CNBD1: variants seen among roughly 807,000 people sequenced by gnomAD.
CNBD1 encodes the protein cyclic nucleotide-binding domain-containing protein 1.
A neutral mutation model predicts 54.4 loss-of-function variants in CNBD1; 71 were observed. The observed-to-expected ratio is 1.30, with a 90% CI of 1.08 to 1.59. The LOEUF is 1.59. Among genes scored for constraint, CNBD1 ranks in the 40% most tolerant of loss-of-function variants. The probability of loss-of-function intolerance (pLI) is 0.00; values close to 1 mark genes in which losing one functional copy is unlikely to be tolerated. For missense variants in CNBD1, 659 were observed against 518.0 expected, an observed-to-expected ratio of 1.27 and a Z score of -2.64; for synonymous variants, 182 against 170.7, an observed-to-expected ratio of 1.07 and a Z score of -0.51.
At chr8:87,315,758 A>T (rs1001697905) in intron 8 of CNBD1, among the ~76,000 whole-genome samples, 1 of 152,046 alleles carries the variant, frequency 6.6e-6, no homozygotes, top group Non-Finnish European at 1.5e-5. Context: ...TTCAAAATAT[A>T]GTTAGATTGA....
chr8:87,075,789 A>G (rs566490708), intron 4 of CNBD1, among the ~76,000 whole-genome samples: 1 of 152,200 alleles, frequency 6.6e-6, no homozygotes, highest in South Asian at 2.1e-4. Flanking sequence ...GAATGTTTTA[A>G]TCTTTTTATT....
chr8:86,966,131 G>T (rs77119651), intron 4 of CNBD1, among the ~76,000 whole-genome samples: 5,881 of 152,296 alleles, frequency 0.039, 130 homozygotes, highest in Non-Finnish European at 0.045. Context: ...CCCCACTCTG[G>T]TCTGCAGGAC....
intron 4 of CNBD1, among the ~76,000 whole-genome samples, chr8:87,039,692 T>A (rs1294175283): frequency 6.6e-6 from 1 of 152,228 alleles, no homozygotes; most frequent in Non-Finnish European, 1.5e-5. Flanking sequence ...ACCAGAGTTT[T>A]GTAATTACTC....
intron 3 of CNBD1, among the ~76,000 whole-genome samples, chr8:86,911,166 T>C (rs1809094638): frequency 6.6e-6 from 1 of 152,184 alleles, no homozygotes; most frequent in Non-Finnish European, 1.5e-5. Context: ...GGTAGCCCTT[T>C]TCTATTGGCA....
chr8:86,876,183 TTGTGTGTGTG>T (rs60866236), intron 1 of CNBD1, among the ~76,000 whole-genome samples: 32 of 150,290 alleles, frequency 2.1e-4, no homozygotes, highest in Non-Finnish European at 3.0e-4. Context: ...GTGTGTGTGT[TTGTGTGTGTG>T]TGTGTGTGTG....
At chr8:86,957,674 T>A (rs930793923) in intron 4 of CNBD1, among the ~76,000 whole-genome samples, 1 of 152,204 alleles carries the variant, frequency 6.6e-6, no homozygotes, top group African/African-American at 2.4e-5. Flanking sequence ...TTGGTGGTGA[T>A]ATCCCCTTTA....
chr8:87,099,058 A>C (rs887167761), intron 4 of CNBD1, among the ~76,000 whole-genome samples: 23 of 147,568 alleles, frequency 1.6e-4, no homozygotes, highest in African/African-American at 3.9e-4. Flanking sequence ...AAAAAAAAAA[A>C]AACAAAACTC....
At chr8:86,903,214 C>A (rs2131806397) in intron 2 of CNBD1, among the ~76,000 whole-genome samples, 1 of 152,104 alleles carries the variant, frequency 6.6e-6, no homozygotes, top group East Asian at 1.9e-4. Context: ...CTTGGAAATT[C>A]TTGAGAATTA....
intron 4 of CNBD1, among the ~76,000 whole-genome samples, chr8:86,978,604 G>A (rs181905205): frequency 1.6e-3 from 236 of 144,568 alleles, no homozygotes; most frequent in African/African-American, 5.5e-3. Context: ...GTGCAATGGC[G>A]CGATCTTGGC....
chr8:86,912,699 A>G (rs748487900), intron 3 of CNBD1, among the ~76,000 whole-genome samples: 31 of 152,110 alleles, frequency 2.0e-4, no homozygotes, highest in Non-Finnish European at 1.6e-4. Flanking sequence ...TATTTATTCT[A>G]TTTATATTTT....
chr8:87,324,671 G>C (rs928634456), intron 8 of CNBD1, among the ~76,000 whole-genome samples: 1 of 151,694 alleles, frequency 6.6e-6, no homozygotes, highest in East Asian at 1.9e-4. Context: ...ATTTTTTATT[G>C]TGTCTATTTG....
chr8:87,208,753 T>C (rs182851971), intron 5 of CNBD1, among the ~76,000 whole-genome samples: 59 of 152,240 alleles, frequency 3.9e-4, no homozygotes, highest in Admixed American at 1.0e-3. Flanking sequence ...TTTCTTTGTG[T>C]AGTCCTTTGT....
chr8:87,373,337 T>C (rs776432488), intron 10 of CNBD1, among the ~76,000 whole-genome samples: 4 of 151,794 alleles, frequency 2.6e-5, no homozygotes, highest in Non-Finnish European at 5.9e-5. Context: ...TTGAAATATA[T>C]TGTTGACCCT....
chr8:86,996,483 C>CT (rs1359692857), intron 4 of CNBD1, among the ~76,000 whole-genome samples: 2 of 152,184 alleles, frequency 1.3e-5, no homozygotes, highest in African/African-American at 2.4e-5. Context: ...ATTTCTAAAA[C>CT]ATTCCTCACA....
rs1284328960 is a variant in CNBD1, at chr8:87,084,819, GCATGTGCCAC to G, written c.432-121169_432-121160del. Among the ~76,000 whole-genome samples the G allele has an allele frequency of 3.9e-5, 6 of 152,022 alleles. No individual in the cohort carries two copies. The South Asian group carries it at 1.0e-3, about 26-fold the overall frequency. On this transcript the variant is annotated intron_variant, in intron 4 of 10. Transcript: ENST00000518476. The stretch of plus-strand genomic sequence containing the variant: ...AGTCTCCTGAATAGCTGGGATTCAG[GCATGTGCCAC>G]CATGCCCAGCTAATTTTGTATTTTT...
At chr8:87,274,389 A>C (rs1033947815) in intron 6 of CNBD1, among the ~76,000 whole-genome samples, 1 of 145,944 alleles carries the variant, frequency 6.9e-6, no homozygotes, top group Non-Finnish European at 1.5e-5. Context: ...TCCCACCAAC[A>C]GTGTAAAAGT....
At chr8:86,899,612 A>C (rs12545371) in intron 2 of CNBD1, among the ~76,000 whole-genome samples, 51,027 of 151,890 alleles carry the variant, frequency 0.34, 8,702 homozygotes, top group East Asian at 0.42. Flanking sequence ...TATAACTTTT[A>C]TATTTTATAT....
intron 5 of CNBD1, among the ~76,000 whole-genome samples, chr8:87,209,468 A>C (rs1814047592): frequency 6.6e-6 from 1 of 152,154 alleles, no homozygotes; most frequent in Non-Finnish European, 1.5e-5. Context: ...TAATCAAGGA[A>C]GTGAAAGACC....
At chr8:87,330,720 T>C (rs1809807817) in intron 8 of CNBD1, among the ~76,000 whole-genome samples, 1 of 152,200 alleles carries the variant, frequency 6.6e-6, no homozygotes, top group Non-Finnish European at 1.5e-5. Flanking sequence ...TGTATCTTTG[T>C]GAATGTTCTA....
Sources: gnomAD v4.1 joint callset for allele counts (sites outside exome capture counted in the v4.1 genomes callset) on GRCh38, gnomAD v4.1.1 for gene constraint, MANE v1.5 for transcripts, NCBI Gene and HGNC (gene_info 2026-07-23, HGNC 2026-07-21) for gene names.